Variants in KLHL40 observed in about 807,000 individuals in gnomAD.
KLHL40 encodes the protein kelch-like protein 40.
Under a neutral mutation model 49.7 loss-of-function variants are expected in KLHL40, and 44 were observed. The ratio of observed to expected loss-of-function variants is 0.89; its 90% confidence interval spans 0.70 to 1.14. KLHL40 has a LOEUF of 1.14. KLHL40 is among the 50% of genes most tolerant of loss of function. The probability of loss-of-function intolerance (pLI) is 0.00; values close to 1 mark genes in which losing one functional copy is unlikely to be tolerated. For missense variants in KLHL40, 892 were observed against 850.3 expected, an observed-to-expected ratio of 1.05 and a Z score of -0.61; for synonymous variants, 409 against 365.2, an observed-to-expected ratio of 1.12 and a Z score of -1.37.
intron 4 of KLHL40, among the ~76,000 whole-genome samples, chr3:42,690,147 G>C (rs1377331165): frequency 6.6e-6 from 1 of 152,146 alleles, no homozygotes; most frequent in Non-Finnish European, 1.5e-5. Flanking sequence ...TGGAGGGAGA[G>C]ATCTGGGGGT....
rs142487510 is a variant in KLHL40, at chr3:42,690,932, G to A, written c.1681G>A (p.Ala561Thr). The A allele has an allele frequency of 2.7e-5, 44 of 1,613,788 alleles. No homozygotes were observed. In the African/African-American group the frequency reaches 5.2e-4, roughly 19 times the overall value. The change falls in exon 5 of 6, where the codon GCC becomes ACC. Residue 561 changes from alanine to threonine, a missense_variant. Coordinates refer to ENST00000287777, the MANE Select transcript of KLHL40 (RefSeq NM_152393.4). ...GGTCAGCCTGGTGGGTACCCTCTAT[G>A]CCATTGGTGGCTTTGCCACACTGGA... is the stretch of plus-strand genomic sequence containing the variant. Reference protein sequence around the residue: ...SLVSLVGTLYAIGGFATLETE... With the variant: ...SLVSLVGTLYTIGGFATLETE...
In KLHL40 at chr3:42,686,352, G is replaced by A; in HGVS notation, c.734G>A (p.Arg245His). The A allele has an allele frequency of 6.2e-7, 1 of 1,612,810 alleles. No homozygotes were observed. Among genetic ancestry groups the A allele is most frequent in the Non-Finnish European group, 8.5e-7 (1 of 1,179,738 alleles). The part of the protein sequence containing the change: ...ESRVERHPLV[R>H]AQPELLRKVQ... ...CGCGTGGAGCGCCACCCTCTCGTGC[G>A]TGCCCAGCCCGAGTTGCTGCGCAAG... Residue 245 changes from arginine (R) to histidine (H), a missense_variant, in exon 1 of 6, where the codon CGT becomes CAT. Arg to His is a conservative substitution (Grantham distance 29, BLOSUM62 0). Coordinates refer to ENST00000287777, the MANE Select transcript of KLHL40 (RefSeq NM_152393.4).
chr3:42,692,480 T>TCC lies in KLHL40; in HGVS notation c.*487_*488insCC. ...GTCAGTGAGCAGGTGTGTTGAAGACTTGGGGCTTCAGTGTTCTGCTGTTGG... is the reference window on the plus strand; with the variant it reads ...GTCAGTGAGCAGGTGTGTTGAAGACTCCTGGGGCTTCAGTGTTCTGCTGTTGG... On this transcript the variant is annotated 3_prime_UTR_variant, in exon 6 of 6. Coordinates refer to ENST00000287777, the MANE Select transcript of KLHL40 (RefSeq NM_152393.4). 1.9e-6 allele frequency: 1 copy of TCC among 520,688 alleles called. No individual in the cohort carries two copies. The allele number at this position is 520,688 out of a possible 1,614,324, so 32.3% of individuals were successfully genotyped here. A position where few individuals can be genotyped will look rare whatever the true frequency, so the allele number is the denominator to read the frequency against.
At chr3:42,689,746 CAA>C (rs1001561923) in intron 4 of KLHL40, among the ~76,000 whole-genome samples, 1 of 152,014 alleles carries the variant, frequency 6.6e-6, no homozygotes, top group Non-Finnish European at 1.5e-5. Context: ...ATGCACCGGA[CAA>C]AGACAGGCCA....
rs1339632875 is a variant in KLHL40, at chr3:42,686,212, G to C, written c.594G>C (p.Val198=). The C allele has an allele frequency of 6.4e-7, 1 of 1,565,682 alleles. No homozygotes were observed. The highest frequency in any genetic ancestry group is 8.6e-7 in the Non-Finnish European group (1 of 1,158,752). ...VEKEEAVFEA[V]MRWAGSGDAE... ...AGGAGGAGGCAGTGTTCGAGGCGGT[G>C]ATGCGGTGGGCGGGTAGCGGCGACG... is the stretch of plus-strand genomic sequence containing the variant. The change falls in exon 1 of 6, where the codon GTG becomes GTC. Residue 198 remains valine (V), a synonymous_variant. Coordinates refer to ENST00000287777, the MANE Select transcript of KLHL40 (RefSeq NM_152393.4).
chr3:42,690,444 G>A (rs1697344275), intron 4 of KLHL40, among the ~76,000 whole-genome samples: 1 of 152,202 alleles, frequency 6.6e-6, no homozygotes, highest in Non-Finnish European at 1.5e-5. Context: ...ACTGGGCTGT[G>A]AAGGGAGAAG....
chr3:42,689,478 T>C (rs9822441), intron 4 of KLHL40, among the ~76,000 whole-genome samples: 1 of 152,040 alleles, frequency 6.6e-6, no homozygotes, highest in Non-Finnish European at 1.5e-5. Flanking sequence ...CTGAGGCAGT[T>C]TGGAGAAAAA....
rs1440284508 is a variant in KLHL40, at chr3:42,686,771, G to A, written c.1152+1G>A. The A allele has an allele frequency of 6.2e-7, 1 of 1,603,228 alleles. No homozygotes were observed. On this transcript the variant is annotated splice_donor_variant, in intron 1 of 5. Transcript: ENST00000287777. LOFTEE classifies it high-confidence loss of function. ...CCCCATGAGCGCATACTTCCTGCAG[G>A]TGCCTGACCAGCCTTGGGAGCCGCC... is the stretch of plus-strand genomic sequence containing the variant.
At position 42,686,586 on chromosome 3, in the gene KLHL40, T is replaced by C; in HGVS notation, c.968T>C (p.Ile323Thr). 1.2e-6 allele frequency: 2 copies of C among 1,614,064 alleles called. No individual in the cohort carries two copies. The highest frequency in any genetic ancestry group is 2.2e-5 in the South Asian group (2 of 91,070). Residue 323 changes from isoleucine (I) to threonine (T), a missense_variant, in exon 1 of 6, where the codon ATC (isoleucine) becomes ACC (threonine). Coordinates refer to ENST00000287777, the MANE Select transcript of KLHL40 (RefSeq NM_152393.4). ...TTCCTGCAGGATCTCATCTTCATGA[T>C]CAGTGAGGAGGGCGCTGTGGCCTAC... ...GMFLQDLIFMISEEGAVAYDP... is the reference protein window; with the variant it reads ...GMFLQDLIFMTSEEGAVAYDP...
Position 42,686,058 on chromosome 3 carries a change from G to C in KLHL40, c.440G>C (p.Arg147Pro). Reference sequence around the variant, plus strand: ...CTCGGCCTCCTGCTCGACTGCGCGCGTCTCGCCGTGGCTGCCCGCGACTTC... The same window carrying C: ...CTCGGCCTCCTGCTCGACTGCGCGCCTCTCGCCGTGGCTGCCCGCGACTTC... Reference protein sequence around the residue: ...FRLGLLLDCARLAVAARDFIC... With the variant: ...FRLGLLLDCAPLAVAARDFIC... Residue 147 changes from arginine (R) to proline (P), a missense_variant, in exon 1 of 6, where the codon CGT becomes CCT. Coordinates refer to ENST00000287777, the MANE Select transcript of KLHL40 (RefSeq NM_152393.4). 6.2e-7 allele frequency: 1 copy of C among 1,605,696 alleles called. No homozygotes were observed. The highest frequency in any genetic ancestry group is 8.5e-7 in the Non-Finnish European group (1 of 1,179,922).
At chr3:42,689,881 A>T (rs1260078951) in intron 4 of KLHL40, among the ~76,000 whole-genome samples, 2 of 152,086 alleles carry the variant, frequency 1.3e-5, no homozygotes, top group African/African-American at 4.8e-5. Flanking sequence ...CACCCCCAGG[A>T]GATGCTGACG....
In KLHL40 at chr3:42,686,652, A is replaced by G. The variant is rs6805421; in HGVS notation, c.1034A>G (p.Asn345Ser). Residue 345 changes from asparagine to serine, a missense_variant, in exon 1 of 6, where the codon AAC becomes AGC. Coordinates refer to ENST00000287777, the MANE Select transcript of KLHL40 (RefSeq NM_152393.4). Reference protein sequence around the residue: ...ANECYCASLSNQVPKNHVSLV... With the variant: ...ANECYCASLSSQVPKNHVSLV... Reference sequence around the variant, plus strand: ...GAGTGCTACTGTGCTTCCCTCTCCAACCAGGTCCCCAAGAACCACGTCAGC... The same window carrying G: ...GAGTGCTACTGTGCTTCCCTCTCCAGCCAGGTCCCCAAGAACCACGTCAGC... The G allele has an allele frequency of 0.64, 1,034,806 of 1,613,712 alleles. 335,292 individuals carry two copies. Among genetic ancestry groups the G allele is most frequent in the East Asian group, 0.8 (35,700 of 44,866 alleles).
intron 4 of KLHL40, 96 bp downstream of exon 4, chr3:42,689,150 T>G: frequency 8.3e-6 from 9 of 1,078,182 alleles, no homozygotes; most frequent in Non-Finnish European, 1.1e-5. Context: ...GGGTCTCCAG[T>G]GTTGACTTTG....
In KLHL40 at chr3:42,692,443, A is replaced by G; in HGVS notation, c.*450A>G. On this transcript the variant is annotated 3_prime_UTR_variant, in exon 6 of 6. Coordinates refer to ENST00000287777, the MANE Select transcript of KLHL40 (RefSeq NM_152393.4). ...GAGCAAGCAGCTCAGGGTCTGCATC[A>G]GTGCTCCAAGAGTCAGTGAGCAGGT... is the stretch of plus-strand genomic sequence containing the variant. 6.6e-6 allele frequency: 3 copies of G among 455,882 alleles called. No individual in the cohort carries two copies. The highest frequency in any genetic ancestry group is 1.2e-5 in the Non-Finnish European group (3 of 250,088). 28.2% of individuals were successfully genotyped at this position (455,882 alleles called of 1,614,324 possible).
In KLHL40 at chr3:42,686,373, G is replaced by A; in HGVS notation, c.755G>A (p.Arg252His). The A allele has an allele frequency of 1.9e-6, 3 of 1,613,284 alleles. No individual in the cohort carries two copies. The highest frequency in any genetic ancestry group is 1.3e-5 in the African/African-American group (1 of 75,046). The change falls in exon 1 of 6, where the codon CGC (arginine) becomes CAC (histidine). Residue 252 changes from arginine (R) to histidine (H), a missense_variant. Arg to His is a conservative substitution (Grantham distance 29). Coordinates refer to ENST00000287777, the MANE Select transcript of KLHL40 (RefSeq NM_152393.4). ...PLVRAQPELL[R>H]KVQMVKDAHE... Reference sequence around the variant, plus strand: ...GTGCGTGCCCAGCCCGAGTTGCTGCGCAAGGTGCAGATGGTGAAGGATGCA... The same window carrying A: ...GTGCGTGCCCAGCCCGAGTTGCTGCACAAGGTGCAGATGGTGAAGGATGCA...
intron 5 of KLHL40, among the ~76,000 whole-genome samples, 161 bp downstream of exon 5, chr3:42,691,166 G>A (rs1575222043): frequency 6.6e-6 from 1 of 152,270 alleles, no homozygotes; most frequent in East Asian, 1.9e-4. Flanking sequence ...TACCCTGCTT[G>A]GCCGTTTCTC....
Position 42,688,961 on chromosome 3 carries a change from C to A in KLHL40, c.1514C>A (p.Ala505Asp). The part of the protein sequence containing the change: ...PMQTARSLFG[A>D]TVHDGRIIVA... ...CAGACCGCCCGCTCACTCTTTGGGG[C>A]CACTGTCCATGATGGCCGCATTATC... Residue 505 changes from alanine (A) to aspartate (D), a missense_variant, in exon 4 of 6, where the codon GCC (alanine) becomes GAC (aspartate). Transcript: ENST00000287777. This position sits in a 1 kb window ranked among gnomAD's most constrained non-coding sequence, Gnocchi z 4.2. 1 of 1,614,156 alleles carries A rather than the reference C, an allele frequency of 6.2e-7. No homozygotes were observed. Among genetic ancestry groups the A allele is most frequent in the Non-Finnish European group, 8.5e-7 (1 of 1,180,012 alleles).
At position 42,688,129 on chromosome 3, in the gene KLHL40, A is replaced by C; in HGVS notation, c.1153-13A>C. The C allele has an allele frequency of 1.2e-6, 2 of 1,613,586 alleles. No individual in the cohort carries two copies. The highest frequency in any genetic ancestry group is 1.7e-6 in the Non-Finnish European group (2 of 1,179,906). On this transcript the variant is annotated splice_polypyrimidine_tract_variant and intron_variant, in intron 1 of 5. Transcript: ENST00000287777. The surrounding 1 kb of genome is among the most constrained non-coding windows in gnomAD (Gnocchi z 4.2). ...AGTGGGGGGCGGTAGCTGACTGGAC[A>C]CCTGGCCTGCAGTTTGACCATCTGG...
In KLHL40 at chr3:42,686,512, C is replaced by G. The variant is rs138228796; in HGVS notation, c.894C>G (p.Ala298=). 3 of 1,614,020 alleles carry G rather than the reference C, an allele frequency of 1.9e-6. No individual in the cohort carries two copies. The highest frequency in any genetic ancestry group is 2.5e-6 in the Non-Finnish European group (3 of 1,180,040). The change falls in exon 1 of 6, where the codon GCC becomes GCG. Residue 298 remains alanine, a synonymous_variant. Transcript: ENST00000287777. ...CCAAAGCAGAGGAGGATGAGGAGGCCGAACGTATCCTTCCTGGGATCCTCA... is the reference window on the plus strand; with the variant it reads ...CCAAAGCAGAGGAGGATGAGGAGGCGGAACGTATCCTTCCTGGGATCCTCA... ...SKAKAEEDEE[A]ERILPGILND... is the part of the protein sequence containing the mutation.
Sources: gnomAD v4.1 joint callset for allele counts (sites outside exome capture counted in the v4.1 genomes callset) on GRCh38, gnomAD v4.1.1 for gene constraint, Gnocchi (gnomAD v3.1) non-coding constraint, MANE v1.5 for transcripts, NCBI Gene and HGNC (gene_info 2026-07-23, HGNC 2026-07-21) for gene names.